The following RYR3 variants were observed in gnomAD, a reference collection of about 807,000 sequenced individuals.
RYR3 encodes brain ryanodine receptor-calcium release channel.
A neutral mutation model predicts 584.3 loss-of-function variants in RYR3; 207 were observed. The observed-to-expected ratio is 0.35, with a 90% CI of 0.32 to 0.40. The LOEUF is 0.40. RYR3 is among the 10% of genes least tolerant of loss of function. The pLI, the probability that RYR3 is intolerant of heterozygous loss-of-function variation, is 1.00. For missense variants in RYR3, 5,616 were observed against 6,089.2 expected, an observed-to-expected ratio of 0.92 and a Z score of 2.59; for synonymous variants, 2,416 against 2,248.5, an observed-to-expected ratio of 1.07 and a Z score of -2.11.
chr15:33,848,495 G>C (rs1320715298), intron 94 of RYR3, 74 bp downstream of exon 94: 3 of 1,498,126 alleles, frequency 2.0e-6, no homozygotes, highest in Non-Finnish European at 1.8e-6. Context: ...TTTCCTCCTG[G>C]CCTTAAAACT....
In RYR3 at chr15:33,707,004, T is replaced by C. The variant is rs746481657; in HGVS notation, c.6569T>C (p.Ile2190Thr). ...KGYPDVGWNP[I>T]EGERYLSFLR... ...TACCCTGATGTCGGCTGGAACCCCA[T>C]TGAAGGGGAACGCTACCTGTCCTTC... The change falls in exon 43 of 104, where the codon ATT becomes ACT. Residue 2190 changes from isoleucine to threonine, a missense_variant. By Grantham distance (89) the Ile-to-Thr change is moderately conservative. This residue lies in a region of RYR3 where 1,280 missense variants were observed against 1,426.2 expected (regional missense o/e 0.90). Coordinates refer to ENST00000634891, the MANE Select transcript of RYR3 (RefSeq NM_001036.6). 12 of 1,613,864 alleles carry C rather than the reference T, an allele frequency of 7.4e-6. No homozygotes were observed. The highest frequency in any genetic ancestry group is 6.6e-5 in the South Asian group (6 of 91,038).
intron 1 of RYR3, among the ~76,000 whole-genome samples, chr15:33,328,714 G>A (rs146688926): frequency 7.1e-4 from 108 of 152,216 alleles, no homozygotes; most frequent in African/African-American, 2.5e-3. Context: ...ATGGTCATTT[G>A]AATGCCTGAA....
At chr15:33,819,474 C>G (rs539584796) in intron 76 of RYR3, among the ~76,000 whole-genome samples, 1 of 151,992 alleles carries the variant, frequency 6.6e-6, no homozygotes, top group South Asian at 2.1e-4. Flanking sequence ...GAGTTTGAGA[C>G]CAGCCTGGCC....
intron 1 of RYR3, among the ~76,000 whole-genome samples, chr15:33,439,518 TGAGAACA>T (rs2046036946): frequency 6.6e-6 from 1 of 152,200 alleles, no homozygotes; most frequent in African/African-American, 2.4e-5. Flanking sequence ...TGCTCATAAA[TGAGAACA>T]GTCTTTAATT....
intron 3 of RYR3, among the ~76,000 whole-genome samples, chr15:33,514,897 G>A (rs936598542): frequency 1.3e-5 from 2 of 152,048 alleles, no homozygotes; most frequent in Non-Finnish European, 2.9e-5. Flanking sequence ...CCAGCTACTT[G>A]GGAGGCTGAG....
chr15:33,453,342 C>T (rs1017263848), intron 1 of RYR3, among the ~76,000 whole-genome samples: 1 of 152,126 alleles, frequency 6.6e-6, no homozygotes, highest in African/African-American at 2.4e-5. Flanking sequence ...CAGCATTTTT[C>T]AGCTTTAAAA....
intron 32 of RYR3, among the ~76,000 whole-genome samples, chr15:33,654,119 C>T (rs559800079): frequency 1.3e-4 from 20 of 152,144 alleles, no homozygotes; most frequent in East Asian, 3.9e-4. Context: ...AGACAGAGAA[C>T]GCTGTACGAG....
chr15:33,761,825 A>G (rs765661264), intron 60 of RYR3, among the ~76,000 whole-genome samples: 11 of 152,208 alleles, frequency 7.2e-5, no homozygotes, highest in Non-Finnish European at 7.3e-5. Flanking sequence ...TTTCAGGCCA[A>G]TATTCCTGAT....
intron 69 of RYR3, among the ~76,000 whole-genome samples, chr15:33,806,434 C>T (rs1236266363): frequency 4.6e-5 from 7 of 151,810 alleles, no homozygotes; most frequent in Non-Finnish European, 8.8e-5. Flanking sequence ...GGGAGGATCA[C>T]TTGAGGCCGA....
intron 66 of RYR3, among the ~76,000 whole-genome samples, chr15:33,787,786 A>G (rs1162339932): frequency 1.3e-5 from 2 of 152,208 alleles, no homozygotes; most frequent in African/African-American, 4.8e-5. Context: ...ACCAGAAAGC[A>G]TATACTGAGT....
intron 12 of RYR3, among the ~76,000 whole-genome samples, chr15:33,577,783 T>C (rs1300445522): frequency 6.6e-6 from 1 of 152,082 alleles, no homozygotes; most frequent in Non-Finnish European, 1.5e-5. Flanking sequence ...CCAATTAAAC[T>C]AAAGAGCTTC....
chr15:33,382,872 T>G (rs1027518727), intron 1 of RYR3, among the ~76,000 whole-genome samples: 1 of 152,186 alleles, frequency 6.6e-6, no homozygotes, highest in Non-Finnish European at 1.5e-5. Flanking sequence ...TACATTTTAA[T>G]GACAAGAGTC....
intron 86 of RYR3, among the ~76,000 whole-genome samples, chr15:33,834,457 T>G (rs746928472): frequency 6.7e-6 from 1 of 149,306 alleles, no homozygotes. Flanking sequence ...ATGCTAAGAT[T>G]ATTACACAGA....
rs549493679 is a variant in RYR3, at chr15:33,802,998, A to T, written c.10011+1037A>T. ...ATTTGGGATGGAGGTCTCATATATA[A>T]GCTGCAGACAAGGGGCTGGTATGAC... On this transcript the variant is annotated intron_variant, in intron 69 of 103. Transcript: ENST00000634891. Among the ~76,000 whole-genome samples the T allele has an allele frequency of 5.8e-4, 89 of 152,322 alleles. 2 individuals carry two copies. The South Asian group carries it at 0.013, about 23-fold the overall frequency.
chr15:33,647,717 A>T (rs1377200203), intron 30 of RYR3, among the ~76,000 whole-genome samples: 2 of 152,194 alleles, frequency 1.3e-5, no homozygotes, highest in Non-Finnish European at 2.9e-5. Context: ...CCCATTTGCC[A>T]TCAGGGATCC....
At position 33,649,029 on chromosome 15, in the gene RYR3, G is replaced by A. The variant is rs201027006; in HGVS notation, c.3979-43G>A. 152 of 1,564,922 alleles carry A rather than the reference G, an allele frequency of 9.7e-5. No individual in the cohort carries two copies. The African/African-American group carries it at 1.8e-3, about 18-fold the overall frequency. On this transcript the variant is annotated intron_variant, in intron 30 of 103. Transcript: ENST00000634891. ...TTGGGCCCCCTATCTTCAACTGGAT[G>A]GGGGCTGGGGGCCATTGACTCCCCT... is the stretch of plus-strand genomic sequence containing the variant.
rs376792088 is a variant in RYR3 at position 33,807,562 on chromosome 15, A to G, written c.10019A>G (p.Gln3340Arg). The change falls in exon 70 of 104, where the codon CAA becomes CGA. Residue 3340 changes from glutamine to arginine, a missense_variant. This residue lies in a region of RYR3 where 954 missense variants were observed against 1,132.2 expected (regional missense o/e 0.84). Coordinates refer to ENST00000634891, the MANE Select transcript of RYR3 (RefSeq NM_001036.6). ...DSKSKMSKAM[Q>R]VKSGGQDQER... ...TTTTGTCTTTCCACACAGGCCATGC[A>G]AGTAAAGGTACAGGTCAAATGCATG... 5 of 1,551,830 alleles carry G rather than the reference A, an allele frequency of 3.2e-6. No individual in the cohort carries two copies. Among genetic ancestry groups the G allele is most frequent in the Admixed American group, 2.0e-5 (1 of 51,002 alleles).
intron 76 of RYR3, among the ~76,000 whole-genome samples, 182 bp downstream of exon 76, chr15:33,818,866 G>A (rs1295692235): frequency 6.6e-6 from 1 of 152,232 alleles, no homozygotes; most frequent in Non-Finnish European, 1.5e-5. Context: ...GCTCACGCCT[G>A]TAATCCCAGC....
At chr15:33,864,363 CCAACAAACACTGA>C (rs1889683618) in intron 103 of RYR3, among the ~76,000 whole-genome samples, 174 bp downstream of exon 103, 1 of 151,684 alleles carries the variant, frequency 6.6e-6, no homozygotes, top group South Asian at 2.1e-4. Context: ...TTTATCCTTC[CCAACAAACACTGA>C]CATTTTCTAA....
Sources: allele counts gnomAD v4.1 joint callset (sites outside exome capture counted in the v4.1 genomes callset), GRCh38; gene constraint gnomAD v4.1.1; regional missense constraint gnomAD v4.1.1; transcripts MANE v1.5; gene names NCBI Gene and HGNC (gene_info 2026-07-23, HGNC 2026-07-21).